Variants in MRPL3 observed in about 807,000 individuals in gnomAD.
The protein encoded by MRPL3 is mitochondrial ribosomal protein L3, also known as large ribosomal subunit protein uL3m.
MRPL3 carries 43 observed loss-of-function variants against 44.3 expected under a neutral mutation model. The ratio of observed to expected loss-of-function variants is 0.97; its 90% CI spans 0.76 to 1.25. The LOEUF (loss-of-function observed/expected upper bound fraction) is 1.25, where lower values mean the gene tolerates loss of function less well. Ranked by LOEUF, MRPL3 falls within the 50% of genes most tolerant of loss-of-function variation. MRPL3 has a pLI of 0.00. For missense variants in MRPL3, 406 were observed against 427.6 expected (o/e 0.95, Z 0.45); for synonymous variants, 171 against 152.3 (o/e 1.12, Z -0.91).
chr3:131,498,081 G>T (rs1008593106), intron 4 of MRPL3, 98 bp downstream of exon 4: 2 of 895,248 alleles, frequency 2.2e-6, no homozygotes, highest in African/African-American at 1.7e-5. Flanking sequence ...ACAAACAAAT[G>T]CAAGTTTGTG....
chr3:131,464,986 C>T (rs542131236), intron 9 of MRPL3, among the ~76,000 whole-genome samples: 1 of 152,310 alleles, frequency 6.6e-6, no homozygotes, highest in South Asian at 2.1e-4. Flanking sequence ...CAAGTTTTAC[C>T]ATTTAAAACA....
chr3:131,502,690 G>A, intron 1 of MRPL3, 40 bp downstream of exon 1: 2 of 1,546,140 alleles, frequency 1.3e-6, no homozygotes, highest in Middle Eastern at 1.7e-4. Context: ...ACTGCTTCAG[G>A]ACGCAACTGT....
intron 8 of MRPL3, 53 bp from the exon 9 acceptor site, chr3:131,468,221 T>C: frequency 9.6e-7 from 1 of 1,044,192 alleles, no homozygotes; most frequent in Non-Finnish European, 1.4e-6. Context: ...ATTAAAACAA[T>C]GTTACTAAAA....
At chr3:131,502,014 T>A (rs1934510411) in intron 1 of MRPL3, 2 of 1,020,802 alleles carry the variant, frequency 2.0e-6, no homozygotes. Context: ...ACTAACCCAT[T>A]TGGAAGTGTA....
intron 9 of MRPL3, among the ~76,000 whole-genome samples, chr3:131,465,891 C>CTTTTTTT (rs55635822): frequency 1.5e-5 from 2 of 133,348 alleles, no homozygotes; most frequent in Non-Finnish European, 3.1e-5. Flanking sequence ...CTTTTTCTCT[C>CTTTTTTT]TTTTTTTTTT....
chr3:131,482,181 A>C (rs1322408356), intron 6 of MRPL3, among the ~76,000 whole-genome samples: 1 of 152,170 alleles, frequency 6.6e-6, no homozygotes, highest in East Asian at 1.9e-4. Context: ...TAAATGTGCC[A>C]AGGTGCTCCA....
chr3:131,494,802 T>C (rs1268963600), intron 4 of MRPL3, among the ~76,000 whole-genome samples: 2 of 151,974 alleles, frequency 1.3e-5, no homozygotes, highest in African/African-American at 2.4e-5. Flanking sequence ...AAGACTTTTT[T>C]CTTTTTTTCA....
chr3:131,471,144 A>G (rs769315004), intron 7 of MRPL3, 27 bp downstream of exon 7: 23 of 1,473,502 alleles, frequency 1.6e-5, no homozygotes, highest in Non-Finnish European at 2.1e-5. Flanking sequence ...ATTTAGCATT[A>G]AAAAGAGCTT....
intron 6 of MRPL3, among the ~76,000 whole-genome samples, chr3:131,480,432 T>G (rs555489275): frequency 2.6e-5 from 4 of 152,356 alleles, no homozygotes; most frequent in Admixed American, 1.3e-4. Flanking sequence ...GACGAATTTG[T>G]GACAGCATGA....
chr3:131,465,894 T>C (rs918701436), intron 9 of MRPL3, among the ~76,000 whole-genome samples: 1 of 149,568 alleles, frequency 6.7e-6, no homozygotes, highest in Non-Finnish European at 1.5e-5. Flanking sequence ...TTTCTCTCTT[T>C]TTTTTTTTTT....
chr3:131,467,868 T>C (rs1933648473), intron 9 of MRPL3, among the ~76,000 whole-genome samples: 1 of 152,150 alleles, frequency 6.6e-6, no homozygotes, highest in African/African-American at 2.4e-5. Context: ...ACAGGTTATC[T>C]TGTGCATTTT....
At position 131,477,623 on chromosome 3, in the gene MRPL3, A is replaced by G. The variant is rs187925192; in HGVS notation, c.630-6344T>C. Among the ~76,000 whole-genome samples the G allele has an allele frequency of 1.4e-4, 22 of 152,262 alleles. No homozygotes were observed. In the East Asian group the frequency reaches 3.3e-3, roughly 23 times the overall value. On this transcript the variant is annotated intron_variant, in intron 6 of 9. Transcript: ENST00000264995. ...AACTCAAGGCCTATTTATTTTTTTC[A>G]TCTGTTCCTCTCCTCTGACAACTCC... is the stretch of plus-strand genomic sequence containing the variant.
At chr3:131,484,020 C>G (rs1215991610) in intron 6 of MRPL3, among the ~76,000 whole-genome samples, 1 of 152,100 alleles carries the variant, frequency 6.6e-6, no homozygotes, top group Admixed American at 6.5e-5. Flanking sequence ...ACTAAACAGA[C>G]TAGTTTTCAG....
At chr3:131,463,320 CAA>C (rs962975821) in intron 9 of MRPL3, among the ~76,000 whole-genome samples, 2 of 150,714 alleles carry the variant, frequency 1.3e-5, no homozygotes, top group Non-Finnish European at 3.0e-5. Context: ...CTTCCCCTAC[CAA>C]AAGAGTCATT....
At position 131,489,835 on chromosome 3, in the gene MRPL3, AAAAAC is replaced by A. The variant is rs1582715495; in HGVS notation, c.568+141_568+145del. On this transcript the variant is annotated intron_variant, in intron 5 of 9. Coordinates refer to ENST00000264995, the MANE Select transcript of MRPL3 (RefSeq NM_007208.4). ...ACAGGTTTTTCCACTAAAAAAAAAA[AAAAAC>A]AAAATGAGATACAGTTTTGTATTTA... 1.1e-4 allele frequency: 58 copies of A among 532,934 alleles called. No individual in the cohort carries two copies. In the East Asian group the frequency reaches 1.7e-3, roughly 15 times the overall value. 33.0% of individuals were successfully genotyped at this position (532,934 alleles called of 1,614,324 possible).
intron 6 of MRPL3, among the ~76,000 whole-genome samples, chr3:131,472,841 C>A (rs1291965004): frequency 6.6e-6 from 1 of 150,770 alleles, no homozygotes; most frequent in Non-Finnish European, 1.5e-5. Context: ...AAATAAATAC[C>A]CAGGAATAAA....
chr3:131,471,317 G>A (rs1293075411), intron 6 of MRPL3, 38 bp from the exon 7 acceptor site: 2 of 1,380,212 alleles, frequency 1.4e-6, no homozygotes, highest in Admixed American at 1.7e-5. Flanking sequence ...ATAATGAAAA[G>A]AGCATAGACC....
chr3:131,467,027 C>A (rs1039890787), intron 9 of MRPL3, among the ~76,000 whole-genome samples: 14 of 152,082 alleles, frequency 9.2e-5, no homozygotes, highest in African/African-American at 1.9e-4. Context: ...TAAAACCATT[C>A]TGTTCTCTAC....
intron 3 of MRPL3, among the ~76,000 whole-genome samples, chr3:131,500,089 A>C (rs1355920220): frequency 6.6e-6 from 1 of 152,250 alleles, no homozygotes; most frequent in Non-Finnish European, 1.5e-5. Flanking sequence ...TCAAAACTGT[A>C]ATCTGGAGTT....
Sources: gnomAD v4.1 joint callset for allele counts (sites outside exome capture counted in the v4.1 genomes callset) on GRCh38, gnomAD v4.1.1 for gene constraint, MANE v1.5 for transcripts, NCBI Gene and HGNC (gene_info 2026-07-23, HGNC 2026-07-21) for gene names.